CDKL4: variants seen among roughly 807,000 people sequenced by gnomAD.
The protein encoded by CDKL4 is cyclin dependent kinase like 4, also known as cyclin-dependent kinase-like 4.
In CDKL4, 44 loss-of-function variants were observed where a neutral mutation model predicts 42.0. The ratio of observed to expected loss-of-function variants is 1.05; its 90% CI spans 0.82 to 1.35. The LOEUF is 1.35. Among genes scored for constraint, CDKL4 ranks in the 40% most tolerant of loss-of-function variants. CDKL4 has a pLI of 0.00. For missense variants in CDKL4, 393 were observed against 369.9 expected (o/e 1.06, Z -0.51); for synonymous variants, 120 against 121.6 (o/e 0.99, Z 0.09).
chr2:39,186,189 T>G (rs1250262018), intron 7 of CDKL4, among the ~76,000 whole-genome samples: 1 of 152,182 alleles, frequency 6.6e-6, no homozygotes, highest in Non-Finnish European at 1.5e-5. Flanking sequence ...CCTTTAACCT[T>G]ATATTACATT....
At chr2:39,198,260 T>TTA (rs111607715) in intron 5 of CDKL4, among the ~76,000 whole-genome samples, 9 of 146,594 alleles carry the variant, frequency 6.1e-5, no homozygotes, top group South Asian at 2.1e-4. Flanking sequence ...TATATAATGA[T>TTA]AAAAAAAAAA....
intron 7 of CDKL4, among the ~76,000 whole-genome samples, chr2:39,185,374 A>T: frequency 1.7e-5 from 1 of 59,340 alleles, no homozygotes; most frequent in South Asian, 5.2e-4. Context: ...ATATATATAC[A>T]TATGTATATA....
intron 1 of CDKL4, among the ~76,000 whole-genome samples, chr2:39,231,007 C>T (rs1163130613): frequency 3.3e-5 from 5 of 152,144 alleles, no homozygotes; most frequent in Admixed American, 1.3e-4. Flanking sequence ...GTCAGGAGTT[C>T]GAGACCAGCC....
intron 5 of CDKL4, among the ~76,000 whole-genome samples, chr2:39,196,331 A>T (rs1188493490): frequency 1.3e-5 from 2 of 152,216 alleles, no homozygotes; most frequent in Non-Finnish European, 2.9e-5. Flanking sequence ...CTGACAATGG[A>T]TCACATCACG....
Position 39,179,653 on chromosome 2 carries a change from C to T in CDKL4, c.793-332G>A, listed in dbSNP as rs191613209. ...AGTATAGTCCCTGGACTAAAAACAT[C>T]AGCGTCGCAGGAACTTCCTAGAAAT... On this transcript the variant is annotated intron_variant, in intron 8 of 9. Transcript: ENST00000451199. 1.5e-3 allele frequency among the ~76,000 whole-genome samples: 232 copies of T among 152,328 alleles called. 2 individuals are homozygous for T. The highest frequency in any genetic ancestry group is 4.9e-3 in the African/African-American group (205 of 41,582).
exon 10 of CDKL4, chr2:39,175,837 A>AG (rs11393458): frequency 0.91 from 278,381 of 305,818 alleles, 127,269 homozygotes; most frequent in Non-Finnish European, 0.95. Flanking sequence ...GGCATGTAAA[A>AG]CATGGGGAAA....
At chr2:39,195,597 C>T (rs1354340995) in intron 5 of CDKL4, among the ~76,000 whole-genome samples, 4 of 150,592 alleles carry the variant, frequency 2.7e-5, no homozygotes, top group Non-Finnish European at 4.4e-5. Context: ...ATTGGCCATT[C>T]GTATAGCTTC....
At chr2:39,190,375 G>C (rs1228482553) in exon 6 of CDKL4, 1 of 1,614,050 alleles carries the variant, frequency 6.2e-7, no homozygotes, top group South Asian at 1.1e-5. Context: ...GGCCTGTCAG[G>C]AGCTCTGCAA....
intron 8 of CDKL4, among the ~76,000 whole-genome samples, chr2:39,182,279 C>T (rs1328455308): frequency 6.6e-6 from 1 of 152,212 alleles, no homozygotes; most frequent in East Asian, 1.9e-4. Context: ...GCATGAGCCA[C>T]CATGCCCAGC....
downstream of CDKL4, among the ~76,000 whole-genome samples, chr2:39,175,413 A>G (rs1391767742): frequency 6.6e-6 from 1 of 152,238 alleles, no homozygotes; most frequent in Non-Finnish European, 1.5e-5. Context: ...CTTTAAAAAT[A>G]GAATCATCAA....
chr2:39,231,898 CAG>C (rs1286236777), intron 1 of CDKL4, among the ~76,000 whole-genome samples: 2 of 152,168 alleles, frequency 1.3e-5, no homozygotes, highest in African/African-American at 2.4e-5. Context: ...TCCTGGGTGA[CAG>C]AGTGAGACCC....
In CDKL4 at chr2:39,231,202, G is replaced by A. The variant is rs371555305; in HGVS notation, c.-56-1614C>T. Among the ~76,000 whole-genome samples, 419 of 146,524 alleles carry A rather than the reference G, an allele frequency of 2.9e-3. 4 individuals carry two copies. The highest frequency in any genetic ancestry group is 9.9e-3 in the African/African-American group (401 of 40,386). ...ACTCCAGCCTGGGAGACAGAGCAAG[G>A]CTCCATCTCAAAAACAAAAACAAAC... On this transcript the variant is annotated intron_variant, in intron 1 of 9. Coordinates refer to ENST00000451199, the Ensembl canonical transcript of CDKL4.
intron 8 of CDKL4, among the ~76,000 whole-genome samples, chr2:39,183,157 G>A (rs1675538217): frequency 6.6e-6 from 1 of 152,116 alleles, no homozygotes; most frequent in Non-Finnish European, 1.5e-5. Flanking sequence ...GCGTGTGCCT[G>A]TAGTCCCAGT....
At chr2:39,198,805 C>A (rs1459268079) in intron 5 of CDKL4, among the ~76,000 whole-genome samples, 1 of 152,040 alleles carries the variant, frequency 6.6e-6, no homozygotes, top group African/African-American at 2.4e-5. Context: ...AGTGACACAA[C>A]CTATCAAAAC....
chr2:39,242,194 T>G (rs1483285882), intron 1 of CDKL4, among the ~76,000 whole-genome samples: 1 of 152,118 alleles, frequency 6.6e-6, no homozygotes, highest in Non-Finnish European at 1.5e-5. Flanking sequence ...TACAGGCATG[T>G]GCCACCATGC....
chr2:39,229,921 G>A (rs1678993022), intron 1 of CDKL4, among the ~76,000 whole-genome samples: 2 of 152,216 alleles, frequency 1.3e-5, no homozygotes, highest in Admixed American at 6.5e-5. Flanking sequence ...CCAGCTGAAG[G>A]AACATTTCAT....
chr2:39,194,448 T>C, intron 5 of CDKL4, among the ~76,000 whole-genome samples: 1 of 152,210 alleles, frequency 6.6e-6, no homozygotes, highest in East Asian at 1.9e-4. Flanking sequence ...CACTCCAGCC[T>C]GGGTGACAGA....
chr2:39,186,934 AT>A (rs1224102132), intron 7 of CDKL4, among the ~76,000 whole-genome samples: 3 of 152,056 alleles, frequency 2.0e-5, no homozygotes, highest in Non-Finnish European at 2.9e-5. Flanking sequence ...CATTTAAAGC[AT>A]TTTTCCTGGC....
intron 3 of CDKL4, among the ~76,000 whole-genome samples, chr2:39,221,651 C>T (rs527678007): frequency 6.6e-6 from 1 of 152,354 alleles, no homozygotes; most frequent in African/African-American, 2.4e-5. Flanking sequence ...TGAACACCAG[C>T]AGTGCTAAGC....
Sources: allele counts gnomAD v4.1 joint callset (sites outside exome capture counted in the v4.1 genomes callset), GRCh38; gene constraint gnomAD v4.1.1; transcripts MANE v1.5; gene names NCBI Gene and HGNC (gene_info 2026-07-23, HGNC 2026-07-21).